Variants in INPP4A observed in about 807,000 individuals in gnomAD.
INPP4A encodes inositol polyphosphate-4-phosphatase, type I, 107kD.
Under a neutral mutation model 119.8 loss-of-function variants are expected in INPP4A, and 33 were observed. That is an observed-to-expected ratio of 0.28 (90% CI 0.21 to 0.37). INPP4A has a LOEUF of 0.37. INPP4A is among the 10% of genes least tolerant of loss of function. The pLI, the probability that INPP4A is intolerant of heterozygous loss-of-function variation, is 1.00. For synonymous variants in INPP4A, 496 were observed against 500.7 expected, an observed-to-expected ratio of 0.99 and a Z score of 0.12; for missense variants, 956 against 1,289.9, an observed-to-expected ratio of 0.74 and a Z score of 3.97.
upstream of INPP4A, chr2:98,444,787 C>T (rs376903604): frequency 1.3e-5 from 2 of 152,152 alleles, no homozygotes; most frequent in African/African-American, 4.8e-5. Context: ...GCGGGGGTCG[C>T]AGGGCGCGGG....
intron 7 of INPP4A, among the ~76,000 whole-genome samples, chr2:98,537,329 T>C (rs1420821825): frequency 6.6e-6 from 1 of 152,220 alleles, no homozygotes; most frequent in Non-Finnish European, 1.5e-5. Context: ...AGGGTAAAGC[T>C]GACTGAGGCT....
At chr2:98,551,965 G>A (rs750342731) in intron 13 of INPP4A, among the ~76,000 whole-genome samples, 2 of 152,152 alleles carry the variant, frequency 1.3e-5, no homozygotes, top group African/African-American at 2.4e-5. Context: ...CCCCCACAGC[G>A]GGAGGATGTG....
rs533406231 is a variant in INPP4A at position 98,503,537 on chromosome 2, G to A, written c.-165-15427G>A. Among the ~76,000 whole-genome samples, 4 of 152,336 alleles carry A rather than the reference G, an allele frequency of 2.6e-5. No individual in the cohort carries two copies. The South Asian group carries it at 6.2e-4, about 24-fold the overall frequency. On this transcript the variant is annotated intron_variant, in intron 1 of 24. Coordinates refer to ENST00000409851, the MANE Select transcript of INPP4A (RefSeq NM_001134225.2). ...AAGCTTCTTCCTTGCCTCTGTAGCA[G>A]CATGGGGCATGCATCTCATTTTGTC...
intron 1 of INPP4A, among the ~76,000 whole-genome samples, chr2:98,465,694 T>G (rs1674601869): frequency 6.6e-6 from 1 of 152,126 alleles, no homozygotes; most frequent in Non-Finnish European, 1.5e-5. Flanking sequence ...CTGGGGTCAT[T>G]TTGTCATGTT....
intron 1 of INPP4A, among the ~76,000 whole-genome samples, chr2:98,447,769 A>T (rs1244118362): frequency 6.6e-6 from 1 of 152,134 alleles, no homozygotes; most frequent in Non-Finnish European, 1.5e-5. Flanking sequence ...TTCCCAAAAA[A>T]CAAGGATATT....
chr2:98,560,307 A>G (rs1361024219), intron 17 of INPP4A, among the ~76,000 whole-genome samples: 3 of 152,176 alleles, frequency 2.0e-5, no homozygotes, highest in Non-Finnish European at 4.4e-5. Context: ...AGACAGCAGG[A>G]TACTTTGTTG....
chr2:98,507,304 T>C (rs1366630303), intron 1 of INPP4A, among the ~76,000 whole-genome samples: 3 of 152,232 alleles, frequency 2.0e-5, no homozygotes, highest in African/African-American at 7.2e-5. Context: ...TCACTTTTTT[T>C]CTAATTGTTT....
intron 1 of INPP4A, among the ~76,000 whole-genome samples, chr2:98,458,977 G>A (rs1044698954): frequency 1.3e-5 from 2 of 152,208 alleles, no homozygotes; most frequent in African/African-American, 4.8e-5. Flanking sequence ...GCCACCACAC[G>A]CCCAAAGGCA....
intron 22 of INPP4A, chr2:98,569,000 C>G (rs1696971793): frequency 4.6e-6 from 1 of 216,686 alleles, no homozygotes; most frequent in Non-Finnish European, 9.3e-6. Context: ...AGGACCCACC[C>G]TCGGCCAGGT....
At chr2:98,568,460 A>G in intron 21 of INPP4A, 111 bp from the exon 22 acceptor site, 1 of 641,980 alleles carries the variant, frequency 1.6e-6, no homozygotes, top group Non-Finnish European at 2.9e-6. Context: ...GAATTTAGAT[A>G]TGCATAGTAA....
In INPP4A at chr2:98,513,458, T is replaced by TTCAC. The variant is rs527566730; in HGVS notation, c.-165-5484_-165-5481dup. Among the ~76,000 whole-genome samples, 485 of 152,318 alleles carry TTCAC rather than the reference T, an allele frequency of 3.2e-3. 2 individuals are homozygous for TTCAC. The highest frequency in any genetic ancestry group is 8.2e-3 in the African/African-American group (340 of 41,572). On this transcript the variant is annotated intron_variant, in intron 1 of 24. Transcript: ENST00000409851. ...CTCATTGGTTATGTAGAGACATTCA[T>TTCAC]TCACTCACTCACTCACTCACTCACT...
At chr2:98,463,204 C>T (rs1673966620) in intron 1 of INPP4A, among the ~76,000 whole-genome samples, 1 of 152,194 alleles carries the variant, frequency 6.6e-6, no homozygotes, top group Non-Finnish European at 1.5e-5. Flanking sequence ...GCTTTTGACC[C>T]CAGTTTCAGG....
intron 1 of INPP4A, among the ~76,000 whole-genome samples, chr2:98,476,560 G>GGT (rs1028998761): frequency 2.6e-5 from 4 of 152,160 alleles, no homozygotes; most frequent in Admixed American, 2.0e-4. Context: ...CCAGCCCTGG[G>GGT]GTGTGTGTGG....
At chr2:98,494,968 A>AT (rs1681635791) in intron 1 of INPP4A, among the ~76,000 whole-genome samples, 1 of 152,196 alleles carries the variant, frequency 6.6e-6, no homozygotes, top group African/African-American at 2.4e-5. Context: ...CCCAGAGAGA[A>AT]TGTGTGTTCA....
At position 98,587,484 on chromosome 2, in the gene INPP4A, G is replaced by T; in HGVS notation, c.2795G>T (p.Cys932Phe). 1 of 1,589,322 alleles carries T rather than the reference G, an allele frequency of 6.3e-7. No individual in the cohort carries two copies. Among genetic ancestry groups the T allele is most frequent in the Non-Finnish European group, 8.5e-7 (1 of 1,170,270 alleles). ...QALECMRSEG[C>F]RRENTMKNVG... ...GCTTGTTTTTTCCCCAGTGAGGGTT[G>T]TCGAAGAGAAAATACAATGAAGAAT... Residue 932 changes from cysteine (C) to phenylalanine (F), a missense_variant, in exon 25 of 25, where the codon TGT (cysteine) becomes TTT (phenylalanine). By Grantham distance (205) the Cys-to-Phe change is radical. This residue lies in a region of INPP4A where 304 missense variants were observed against 492.1 expected (regional missense o/e 0.62). Coordinates refer to ENST00000409851, the MANE Select transcript of INPP4A (RefSeq NM_001134225.2).
chr2:98,578,190 C>T (rs532361007), intron 24 of INPP4A, among the ~76,000 whole-genome samples: 11 of 152,242 alleles, frequency 7.2e-5, no homozygotes, highest in South Asian at 2.1e-4. Context: ...TGCTCTGGGG[C>T]GCCTTTTTAA....
intron 5 of INPP4A, among the ~76,000 whole-genome samples, chr2:98,534,606 T>TC (rs1371855036): frequency 6.6e-6 from 1 of 152,140 alleles, no homozygotes; most frequent in Non-Finnish European, 1.5e-5. Context: ...CAGGGAAGGA[T>TC]CATGCAGGTT....
intron 1 of INPP4A, among the ~76,000 whole-genome samples, chr2:98,461,121 C>T (rs1697072909): frequency 6.6e-6 from 1 of 152,176 alleles, no homozygotes; most frequent in Non-Finnish European, 1.5e-5. Flanking sequence ...GCCTGTGAGC[C>T]AGTAGCTGGC....
chr2:98,538,603 T>C (rs1406658046), intron 8 of INPP4A, among the ~76,000 whole-genome samples: 2 of 152,248 alleles, frequency 1.3e-5, no homozygotes, highest in Non-Finnish European at 2.9e-5. Context: ...AAATATCCCT[T>C]GGCATCATCT....
Sources: allele counts gnomAD v4.1 joint callset (sites outside exome capture counted in the v4.1 genomes callset), GRCh38; gene constraint gnomAD v4.1.1; regional missense constraint gnomAD v4.1.1; transcripts MANE v1.5; gene names NCBI Gene and HGNC (gene_info 2026-07-23, HGNC 2026-07-21).